ARHGEF3: variants seen among roughly 807,000 people sequenced by gnomAD.
The protein encoded by ARHGEF3 is 59.8 kDA protein.
Under a neutral mutation model 63.2 loss-of-function variants are expected in ARHGEF3, and 28 were observed. The observed-to-expected ratio is 0.44, with a 90% CI of 0.33 to 0.61. The LOEUF (loss-of-function observed/expected upper bound fraction) is 0.61, where lower values mean the gene tolerates loss of function less well. ARHGEF3 is among the 20% of genes least tolerant of loss of function. The pLI is 0.03. For missense variants in ARHGEF3, 533 were observed against 659.3 expected (o/e 0.81, Z 2.10); for synonymous variants, 266 against 254.2 (o/e 1.05, Z -0.44).
intron 3 of ARHGEF3, among the ~76,000 whole-genome samples, chr3:56,910,308 C>T (rs1363526440): frequency 2.0e-5 from 3 of 152,166 alleles, no homozygotes; most frequent in Non-Finnish European, 4.4e-5. Context: ...CATATTTTGG[C>T]CACCTTGGCA....
chr3:57,065,107 A>G lies in ARHGEF3; in HGVS notation c.-28+14119T>C, dbSNP rs934953902. On this transcript the variant is annotated intron_variant, in intron 1 of 12. Transcript: ENST00000338458. ...TTTTTAAGTTGGGAGAAATAACTGCATGTTTATTTGCTGATGGGACCAATC... is the reference window on the plus strand; with the variant it reads ...TTTTTAAGTTGGGAGAAATAACTGCGTGTTTATTTGCTGATGGGACCAATC... Among the ~76,000 whole-genome samples, 5 of 152,338 alleles carry G rather than the reference A, an allele frequency of 3.3e-5. No homozygotes were observed. In the South Asian group the frequency reaches 6.2e-4, roughly 19 times the overall value.
chr3:56,848,642 C>T (rs1477477315), intron 4 of ARHGEF3, among the ~76,000 whole-genome samples: 1 of 152,108 alleles, frequency 6.6e-6, no homozygotes, highest in African/African-American at 2.4e-5. Context: ...ACAATGGCCA[C>T]GCAACTCTCT....
intron 4 of ARHGEF3, among the ~76,000 whole-genome samples, chr3:56,837,221 A>G (rs931864590): frequency 2.6e-5 from 4 of 152,192 alleles, no homozygotes; most frequent in Non-Finnish European, 5.9e-5. Flanking sequence ...AACCCAGAAA[A>G]GAGTCTAAAT....
chr3:56,745,772 C>T (rs546502860), intron 6 of ARHGEF3, among the ~76,000 whole-genome samples: 4 of 152,132 alleles, frequency 2.6e-5, no homozygotes, highest in African/African-American at 4.8e-5. Flanking sequence ...CCCGGGTTCA[C>T]GCCATTCTCC....
chr3:56,841,819 C>T (rs748250221), intron 4 of ARHGEF3, among the ~76,000 whole-genome samples: 3 of 152,002 alleles, frequency 2.0e-5, no homozygotes, highest in South Asian at 2.1e-4. Context: ...GTGTGTGGAG[C>T]GCCAAAACCC....
At chr3:56,862,545 C>G (rs139102626) in intron 4 of ARHGEF3, among the ~76,000 whole-genome samples, 204 of 152,288 alleles carry the variant, frequency 1.3e-3, no homozygotes, top group African/African-American at 4.8e-3. Context: ...TCTGGGCCCC[C>G]CTCCGCCTGG....
chr3:56,960,597 A>G (rs1395046813), intron 2 of ARHGEF3: 1 of 152,202 alleles, frequency 6.6e-6, no homozygotes, highest in Non-Finnish European at 1.5e-5. Flanking sequence ...AACAGCATTC[A>G]ACCCAGGATG....
chr3:57,036,935 C>A (rs1703988273), intron 1 of ARHGEF3, among the ~76,000 whole-genome samples: 1 of 152,200 alleles, frequency 6.6e-6, no homozygotes, highest in African/African-American at 2.4e-5. Context: ...ATTCTCCAAT[C>A]TAGGTGAGCA....
At chr3:56,808,920 A>T (rs2037965715) in intron 4 of ARHGEF3, among the ~76,000 whole-genome samples, 1 of 152,232 alleles carries the variant, frequency 6.6e-6, no homozygotes, top group African/African-American at 2.4e-5. Flanking sequence ...CAGGTCCAAA[A>T]TGCCAATAGT....
At chr3:57,071,228 AC>A (rs1705883349) in intron 1 of ARHGEF3, among the ~76,000 whole-genome samples, 2 of 152,220 alleles carry the variant, frequency 1.3e-5, no homozygotes, top group African/African-American at 4.8e-5. Context: ...AGTCTTTTCA[AC>A]ACATGGTTCT....
In ARHGEF3 at chr3:57,066,050, AAAC is replaced by A. The variant is rs984585693; in HGVS notation, c.-28+13173_-28+13175del. Among the ~76,000 whole-genome samples the A allele has an allele frequency of 3.1e-4, 29 of 93,008 alleles. No individual in the cohort carries two copies. In the East Asian group the frequency reaches 8.5e-3, roughly 27 times the overall value. The allele number at this position is 93,008 out of a possible 152,430, so 61.0% of individuals were successfully genotyped here. On this transcript the variant is annotated intron_variant, in intron 1 of 12. Coordinates refer to the ARHGEF3 transcript ENST00000338458. ...ACTCTGTCTCCAAAACAAAAAAAAA[AAAC>A]CCTAAAATGTAAGAAAAAATCCTTT... is the stretch of plus-strand genomic sequence containing the variant.
At chr3:57,061,565 C>T (rs757912772) in intron 1 of ARHGEF3, among the ~76,000 whole-genome samples, 1 of 152,104 alleles carries the variant, frequency 6.6e-6, no homozygotes, top group Non-Finnish European at 1.5e-5. Context: ...TTATTTTTAC[C>T]TTTTGGCTAT....
At chr3:56,799,683 G>T (rs993111162) in intron 1 of ARHGEF3, among the ~76,000 whole-genome samples, 1 of 152,180 alleles carries the variant, frequency 6.6e-6, no homozygotes, top group African/African-American at 2.4e-5. Flanking sequence ...GCCTACAAGG[G>T]TTGGCTGCCT....
chr3:56,807,776 C>T (rs902760123), intron 4 of ARHGEF3, among the ~76,000 whole-genome samples: 4 of 152,228 alleles, frequency 2.6e-5, no homozygotes, highest in Non-Finnish European at 5.9e-5. Context: ...ACCAGTATTA[C>T]TATTCTCCCT....
chr3:56,954,941 C>T (rs1032853002), intron 3 of ARHGEF3, among the ~76,000 whole-genome samples: 10 of 152,196 alleles, frequency 6.6e-5, no homozygotes, highest in Non-Finnish European at 1.3e-4. Context: ...TGCAATACAA[C>T]TCACTCAGCA....
At chr3:56,931,074 G>A (rs575851946) in intron 3 of ARHGEF3, among the ~76,000 whole-genome samples, 3 of 152,148 alleles carry the variant, frequency 2.0e-5, no homozygotes, top group Non-Finnish European at 4.4e-5. Flanking sequence ...CAGCAAATCC[G>A]ATCCATTTGT....
At chr3:56,953,993 G>A (rs1172538425) in intron 3 of ARHGEF3, among the ~76,000 whole-genome samples, 1 of 152,046 alleles carries the variant, frequency 6.6e-6, no homozygotes, top group Non-Finnish European at 1.5e-5. Context: ...TAATATACAA[G>A]GTCTCATTTT....
intron 3 of ARHGEF3, among the ~76,000 whole-genome samples, chr3:56,919,489 A>G (rs2042070857): frequency 6.6e-6 from 1 of 152,174 alleles, no homozygotes; most frequent in Non-Finnish European, 1.5e-5. Context: ...TTGACCTCTT[A>G]CTGCAGAGCA....
At chr3:56,731,822 A>C (rs1413993102) in intron 9 of ARHGEF3, 3 of 268,156 alleles carry the variant, frequency 1.1e-5, no homozygotes, top group East Asian at 7.8e-5. Flanking sequence ...ATTCCAGTTG[A>C]CCATTCTTAT....
Sources: allele counts gnomAD v4.1 joint callset (sites outside exome capture counted in the v4.1 genomes callset), GRCh38; gene constraint gnomAD v4.1.1; transcripts MANE v1.5; gene names NCBI Gene and HGNC (gene_info 2026-07-23, HGNC 2026-07-21).